Variants in IMMP2L observed in about 807,000 individuals in gnomAD.
The protein encoded by IMMP2L is mitochondrial inner membrane protease subunit 2.
Under a neutral mutation model 19.3 loss-of-function variants are expected in IMMP2L, and 18 were observed. The observed-to-expected ratio is 0.93, with a 90% CI of 0.64 to 1.38. IMMP2L has a LOEUF of 1.38. Ranked by LOEUF, IMMP2L falls within the 40% of genes most tolerant of loss-of-function variation. IMMP2L has a pLI of 0.00. For missense variants in IMMP2L, 233 were observed against 218.2 expected (o/e 1.07, Z -0.43); for synonymous variants, 76 against 73.0 (o/e 1.04, Z -0.21).
chr7:111,449,978 A>G (rs1227440009), intron 3 of IMMP2L, among the ~76,000 whole-genome samples: 1 of 147,086 alleles, frequency 6.8e-6, no homozygotes, highest in Non-Finnish European at 1.5e-5. Context: ...AAAGAGAATA[A>G]AATACCTAGG....
chr7:111,034,292 T>TA (rs901725485), intron 3 of IMMP2L, among the ~76,000 whole-genome samples: 7 of 152,032 alleles, frequency 4.6e-5, no homozygotes, highest in Admixed American at 3.3e-4. Context: ...TACAGTCTAG[T>TA]AAAAAAAGAC....
intron 1 of IMMP2L, among the ~76,000 whole-genome samples, chr7:111,552,260 T>A (rs1585659672): frequency 6.6e-6 from 1 of 152,248 alleles, no homozygotes; most frequent in East Asian, 1.9e-4. Flanking sequence ...TCAGTTTTAC[T>A]GGTCAAAAGG....
chr7:110,766,506 C>A lies in IMMP2L; in HGVS notation c.409-102785G>T, dbSNP rs561275546. ...ACTTGGGAGGCTGAGGCAGGAGAAT[C>A]GCTTGAACCCAGGAGGCCGTAAGCC... On this transcript the variant is annotated intron_variant, in intron 5 of 5. Transcript: ENST00000405709. Among the ~76,000 whole-genome samples, 18 of 147,486 alleles carry A rather than the reference C, an allele frequency of 1.2e-4. No individual in the cohort carries two copies. In the South Asian group the frequency reaches 3.9e-3, roughly 32 times the overall value.
At chr7:111,460,417 C>T (rs375934612) in intron 3 of IMMP2L, among the ~76,000 whole-genome samples, 1 of 151,920 alleles carries the variant, frequency 6.6e-6, no homozygotes, top group African/African-American at 2.4e-5. Context: ...TTAATGCCAA[C>T]AAATTAACCT....
chr7:111,139,329 G>C (rs1408812731), intron 3 of IMMP2L, among the ~76,000 whole-genome samples: 1 of 152,120 alleles, frequency 6.6e-6, no homozygotes, highest in African/African-American at 2.4e-5. Context: ...ACAAGGGCCA[G>C]AGACTGGACT....
intron 4 of IMMP2L, among the ~76,000 whole-genome samples, chr7:110,943,644 T>C (rs1816949465): frequency 6.6e-6 from 1 of 152,000 alleles, no homozygotes; most frequent in South Asian, 2.1e-4. Context: ...GAGCAGAGCC[T>C]CATGCAACCC....
At chr7:111,313,610 T>C (rs1301501338) in intron 3 of IMMP2L, among the ~76,000 whole-genome samples, 1 of 152,178 alleles carries the variant, frequency 6.6e-6, no homozygotes, top group Non-Finnish European at 1.5e-5. Context: ...AAATACTTAC[T>C]GTGTCTATGT....
At chr7:111,088,129 C>T (rs1324437132) in intron 3 of IMMP2L, among the ~76,000 whole-genome samples, 1 of 152,100 alleles carries the variant, frequency 6.6e-6, no homozygotes, top group Admixed American at 6.6e-5. Flanking sequence ...AAGAAAAGCA[C>T]ACAGGCGAAT....
chr7:111,425,560 T>C (rs1027971226), intron 3 of IMMP2L, among the ~76,000 whole-genome samples: 4 of 151,118 alleles, frequency 2.6e-5, no homozygotes, highest in African/African-American at 7.3e-5. Flanking sequence ...GATTAAAATA[T>C]AGATAGATAA....
At chr7:110,914,158 T>C (rs1471388165) in intron 4 of IMMP2L, among the ~76,000 whole-genome samples, 1 of 152,188 alleles carries the variant, frequency 6.6e-6, no homozygotes, top group Non-Finnish European at 1.5e-5. Flanking sequence ...CTGTGCTTTG[T>C]CTTCAGTCAC....
intron 3 of IMMP2L, among the ~76,000 whole-genome samples, chr7:111,233,251 A>C (rs1813913254): frequency 6.6e-6 from 1 of 152,152 alleles, no homozygotes; most frequent in African/African-American, 2.4e-5. Context: ...ATAATAGTTT[A>C]TTAGTAAAAA....
At chr7:111,262,418 G>A (rs1016552666) in intron 3 of IMMP2L, among the ~76,000 whole-genome samples, 1 of 151,998 alleles carries the variant, frequency 6.6e-6, no homozygotes, top group African/African-American at 2.4e-5. Flanking sequence ...TTCCATAATA[G>A]AGAAGAGCAA....
intron 5 of IMMP2L, among the ~76,000 whole-genome samples, chr7:110,700,025 A>G (rs1210258741): frequency 6.6e-6 from 1 of 152,150 alleles, no homozygotes; most frequent in African/African-American, 2.4e-5. Flanking sequence ...AAGCTTGGAA[A>G]TGGATTCTTC....
chr7:111,205,598 T>A (rs552704353), intron 3 of IMMP2L, among the ~76,000 whole-genome samples: 47 of 152,230 alleles, frequency 3.1e-4, no homozygotes, highest in African/African-American at 1.1e-3. Flanking sequence ...AATTCAAGAA[T>A]TAAATTTGTA....
intron 5 of IMMP2L, among the ~76,000 whole-genome samples, chr7:110,848,364 C>T (rs1805874902): frequency 6.6e-6 from 1 of 152,088 alleles, no homozygotes; most frequent in South Asian, 2.1e-4. Context: ...TGAGATACCA[C>T]CACACGCCTA....
chr7:111,018,268 CAG>C (rs1825907605), intron 3 of IMMP2L, among the ~76,000 whole-genome samples: 1 of 152,132 alleles, frequency 6.6e-6, no homozygotes, highest in African/African-American at 2.4e-5. Flanking sequence ...TGGTGGGACA[CAG>C]TGTTAATAGA....
intron 3 of IMMP2L, among the ~76,000 whole-genome samples, chr7:111,212,060 C>T (rs186921739): frequency 5.4e-4 from 82 of 152,142 alleles, no homozygotes; most frequent in Non-Finnish European, 1.0e-3. Context: ...ATACTATAAA[C>T]GAAACTAAGG....
chr7:111,123,316 A>G lies in IMMP2L; in HGVS notation c.240-159751T>C. 6.2e-7 allele frequency: 1 copy of G among 1,613,836 alleles called. No individual in the cohort carries two copies. Among genetic ancestry groups the G allele is most frequent in the South Asian group, 1.1e-5 (1 of 91,056 alleles). On this transcript the variant is annotated intron_variant, in intron 3 of 5. Transcript: ENST00000405709. This position sits in a 1 kb window ranked among gnomAD's most constrained non-coding sequence, Gnocchi z 6.4. Reference sequence around the variant, plus strand: ...AAATAGATTGCAGATGATCAACAGTAAGTGGTTTGATGCTCTTCCAAATCT... The same window carrying G: ...AAATAGATTGCAGATGATCAACAGTGAGTGGTTTGATGCTCTTCCAAATCT...
At chr7:111,473,041 A>G (rs907296959) in intron 3 of IMMP2L, among the ~76,000 whole-genome samples, 7 of 152,212 alleles carry the variant, frequency 4.6e-5, no homozygotes, top group African/African-American at 1.7e-4. Flanking sequence ...CGTATACCCT[A>G]TATTTATTTT....
Sources: allele counts gnomAD v4.1 joint callset (sites outside exome capture counted in the v4.1 genomes callset), GRCh38; gene constraint gnomAD v4.1.1; non-coding constraint Gnocchi (gnomAD v3.1); transcripts MANE v1.5; gene names NCBI Gene and HGNC (gene_info 2026-07-23, HGNC 2026-07-21).